The following VPS39 variants were observed in gnomAD, a reference collection of about 807,000 sequenced individuals.
The protein encoded by VPS39 is VPS39 subunit of HOPS complex.
In VPS39, 70 loss-of-function variants were observed where a neutral mutation model predicts 121.0. The ratio of observed to expected loss-of-function variants is 0.58; its 90% CI spans 0.48 to 0.71. The LOEUF is 0.71. Ranked by LOEUF, VPS39 falls within the 30% of genes least tolerant of loss-of-function variation. The pLI, the probability that VPS39 is intolerant of heterozygous loss-of-function variation, is 0.00. For synonymous variants in VPS39, 378 were observed against 398.1 expected, an observed-to-expected ratio of 0.95 and a Z score of 0.60; for missense variants, 818 against 1,051.5, an observed-to-expected ratio of 0.78 and a Z score of 3.07.
intron 16 of VPS39, 110 bp from the exon 17 acceptor site, chr15:42,165,926 C>T (rs549181971): frequency 2.1e-5 from 23 of 1,082,168 alleles, no homozygotes; most frequent in East Asian, 4.9e-5. Context: ...GGCAAGGGTA[C>T]GAGAAGGCAT....
chr15:42,205,093 G>C (rs1344375038), intron 1 of VPS39, among the ~76,000 whole-genome samples: 1 of 151,994 alleles, frequency 6.6e-6, no homozygotes, highest in Middle Eastern at 3.2e-3. Flanking sequence ...ACAACTGCAA[G>C]CTATTACTAT....
intron 2 of VPS39, among the ~76,000 whole-genome samples, chr15:42,195,412 A>G (rs2049916594): frequency 6.6e-6 from 1 of 152,168 alleles, no homozygotes; most frequent in South Asian, 2.1e-4. Context: ...CCATCACTAC[A>G]AAAGATACAA....
chr15:42,199,474 G>T, intron 2 of VPS39: 3 of 394,546 alleles, frequency 7.6e-6, no homozygotes, highest in South Asian at 3.7e-5. Flanking sequence ...CTCTCTTCTT[G>T]TTCTACCCCT....
At position 42,170,238 on chromosome 15, in the gene VPS39, TA is replaced by T. The variant is rs796502857; in HGVS notation, c.1091-373del. 7.9e-4 allele frequency among the ~76,000 whole-genome samples: 119 copies of T among 150,730 alleles called. 1 individual carries two copies. The highest frequency in any genetic ancestry group is 2.9e-3 in the South Asian group (14 of 4,774). ...TTTAAGTCAAAAAAAGAAACATTAC[TA>T]AAAAAAAAGACAACAGGCTAGGGAA... On this transcript the variant is annotated intron_variant, in intron 11 of 24. Transcript: ENST00000318006.
At chr15:42,178,920 TC>T (rs1183029672) in intron 8 of VPS39, 6 of 201,384 alleles carry the variant, frequency 3.0e-5, no homozygotes, top group Admixed American at 2.6e-4. Flanking sequence ...GGTGGGAAGA[TC>T]ATTTAAGCCC....
chr15:42,181,227 CCTTTTTAAGGT>C (rs2049574805), intron 8 of VPS39, among the ~76,000 whole-genome samples: 1 of 151,876 alleles, frequency 6.6e-6, no homozygotes, highest in Non-Finnish European at 1.5e-5. Flanking sequence ...ATATATATTA[CCTTTTTAAGGT>C]TCAGCCTTAA....
In VPS39 at chr15:42,160,418, T is replaced by C. The variant is rs2049106404; in HGVS notation, c.*336A>G. The C allele has an allele frequency of 3.2e-6, 1 of 316,428 alleles. No individual in the cohort carries two copies. The highest frequency in any genetic ancestry group is 6.0e-5 in the East Asian group (1 of 16,598). 19.6% of individuals were successfully genotyped at this position (316,428 alleles called of 1,614,324 possible). A position where few individuals can be genotyped will look rare whatever the true frequency, so the allele number is the denominator to read the frequency against. The stretch of plus-strand genomic sequence containing the variant: ...GAAAAGCCCTTGATGAACAACCCCA[T>C]GGTTACAAACACTTGTGACAAGTTT... On this transcript the variant is annotated 3_prime_UTR_variant, in exon 25 of 25. Transcript: ENST00000318006.
Position 42,161,712 on chromosome 15 carries a change from C to T in VPS39, c.2522G>A (p.Cys841Tyr), listed in dbSNP as rs750080634. ...CCCAATCTTCTTCTTACACACCATG[C>T]ACACCTTCTCCTCTGTGATGATGCA... ...VKCIITEEKV[C>Y]MVCKKKIGNS... The change falls in exon 24 of 25, where the codon TGC becomes TAC. Residue 841 changes from cysteine (C) to tyrosine (Y), a missense_variant. Physicochemically the swap from Cys to Tyr is radical, Grantham distance 194. Coordinates refer to ENST00000318006, the MANE Select transcript of VPS39 (RefSeq NM_015289.5). 2 of 1,614,202 alleles carry T rather than the reference C, an allele frequency of 1.2e-6. No individual in the cohort carries two copies. Among genetic ancestry groups the T allele is most frequent in the Middle Eastern group, 1.7e-4 (1 of 6,060 alleles).
Position 42,163,384 on chromosome 15 carries a change from T to G in VPS39, c.2141A>C (p.Lys714Thr), listed in dbSNP as rs771192960. 1 of 1,614,172 alleles carries G rather than the reference T, an allele frequency of 6.2e-7. No homozygotes were observed. Among genetic ancestry groups the G allele is most frequent in the Non-Finnish European group, 8.5e-7 (1 of 1,180,030 alleles). The change falls in exon 21 of 25, where the codon AAA (lysine) becomes ACA (threonine). Residue 714 changes from lysine (K) to threonine (T), a missense_variant. By Grantham distance (78) the Lys-to-Thr change is moderately conservative. Coordinates refer to ENST00000318006, the MANE Select transcript of VPS39 (RefSeq NM_015289.5). ...GCCATCTTTGTTTCGGTCATAGTGT[T>G]TGTGGCAGTACCTGCAAGGGAGAGA... ...DTRMAEEYCH[K>T]HYDRNKDGNK... is the part of the protein sequence containing the mutation.
intron 1 of VPS39, among the ~76,000 whole-genome samples, chr15:42,201,185 TA>T (rs1443352579): frequency 4.6e-5 from 7 of 152,320 alleles, no homozygotes; most frequent in Admixed American, 4.6e-4. Flanking sequence ...TTTTAACTTT[TA>T]TTTTTTTAAG....
At position 42,175,456 on chromosome 15, in the gene VPS39, A is replaced by T. The variant is rs954265737; in HGVS notation, c.961-1604T>A. Among the ~76,000 whole-genome samples the T allele has an allele frequency of 2.6e-5, 4 of 152,058 alleles. No individual in the cohort carries two copies. The East Asian group carries it at 7.7e-4, about 29-fold the overall frequency. ...AAAAAAACAGAAAGCCATCTGGCAT[A>T]GCTGGCACGGTCGGGAAAGGTCCTA... On this transcript the variant is annotated intron_variant, in intron 10 of 24. Transcript: ENST00000318006.
At chr15:42,169,375 T>C (rs1005879549) in intron 12 of VPS39, among the ~76,000 whole-genome samples, 1 of 152,208 alleles carries the variant, frequency 6.6e-6, no homozygotes, top group Admixed American at 6.5e-5. Flanking sequence ...TGGTTCCACA[T>C]ACAGGAGGCA....
Position 42,185,503 on chromosome 15 carries a change from A to G in VPS39, c.535-803T>C, listed in dbSNP as rs371914081. Among the ~76,000 whole-genome samples the G allele has an allele frequency of 9.9e-5, 15 of 152,274 alleles. No homozygotes were observed. The East Asian group carries it at 2.1e-3, about 22-fold the overall frequency. ...TGGCCAAAATCAACTTTGTCCATCA[A>G]CTGATGAATGGATAAACAAACACCT... On this transcript the variant is annotated intron_variant, in intron 7 of 24. Coordinates refer to ENST00000318006, the MANE Select transcript of VPS39 (RefSeq NM_015289.5).
At chr15:42,164,897 G>A (rs574680111) in intron 18 of VPS39, 99 bp downstream of exon 18, 2 of 1,544,826 alleles carry the variant, frequency 1.3e-6, no homozygotes, top group African/African-American at 2.7e-5. Flanking sequence ...CACCTGGGCA[G>A]AGAATAGGGT....
intron 11 of VPS39, among the ~76,000 whole-genome samples, chr15:42,173,456 G>A (rs965585142): frequency 1.3e-5 from 2 of 152,210 alleles, no homozygotes; most frequent in Middle Eastern, 3.2e-3. Flanking sequence ...TGAACTGAAT[G>A]ACTTTCTGCT....
chr15:42,187,205 G>C, intron 7 of VPS39, 66 bp downstream of exon 7: 1 of 1,343,378 alleles, frequency 7.4e-7, no homozygotes, highest in Non-Finnish European at 1.0e-6. Context: ...TTGACCTGGA[G>C]TTTGGAGCAG....
intron 8 of VPS39, among the ~76,000 whole-genome samples, chr15:42,179,365 C>G (rs1205649880): frequency 6.6e-6 from 1 of 150,844 alleles, no homozygotes; most frequent in East Asian, 1.9e-4. Context: ...GTCAGGAGAT[C>G]GAGACCATCC....
chr15:42,191,924 C>G, intron 2 of VPS39: 2 of 972,832 alleles, frequency 2.1e-6, no homozygotes, highest in Non-Finnish European at 3.0e-6. Flanking sequence ...GAGCCCAAGC[C>G]ATGAAACCCA....
At chr15:42,175,014 C>T (rs117875000) in intron 10 of VPS39, among the ~76,000 whole-genome samples, 2,511 of 152,190 alleles carry the variant, frequency 0.016, 32 homozygotes, top group Non-Finnish European at 0.025. Context: ...TGAGGCTGAG[C>T]AGATGACAGG....
Sources: allele counts gnomAD v4.1 joint callset (sites outside exome capture counted in the v4.1 genomes callset), GRCh38; gene constraint gnomAD v4.1.1; transcripts MANE v1.5; gene names NCBI Gene and HGNC (gene_info 2026-07-23, HGNC 2026-07-21).